The following CRACDL variants were observed in gnomAD, a reference collection of about 807,000 sequenced individuals.
The protein encoded by CRACDL is CRACD like.
CRACDL carries 26 observed loss-of-function variants against 70.6 expected under a neutral mutation model. The observed-to-expected ratio is 0.37, with a 90% confidence interval of 0.27 to 0.51. The LOEUF (loss-of-function observed/expected upper bound fraction) is 0.51, where lower values mean the gene tolerates loss of function less well. Ranked by LOEUF, CRACDL falls within the 20% of genes least tolerant of loss-of-function variation. CRACDL has a pLI of 0.94. For synonymous variants in CRACDL, 618 were observed against 615.2 expected (o/e 1.00, Z -0.07); for missense variants, 1,283 against 1,376.9 (o/e 0.93, Z 1.08).
At chr2:98,797,668 C>G in intron 7 of CRACDL, 131 bp from the exon 8 acceptor site, 1 of 741,678 alleles carries the variant, frequency 1.3e-6, no homozygotes, top group Non-Finnish European at 2.2e-6. Flanking sequence ...GGATTACTTT[C>G]TTTAGGGGCT....
intron 1 of CRACDL, among the ~76,000 whole-genome samples, chr2:98,935,023 T>C (rs1178806935): frequency 1.3e-5 from 2 of 152,208 alleles, no homozygotes; most frequent in Admixed American, 6.5e-5. Context: ...ATGACCACAG[T>C]GCTCCATCAT....
intron 1 of CRACDL, chr2:98,897,404 A>AT (rs1016912504): frequency 7.7e-7 from 1 of 1,303,894 alleles, no homozygotes; most frequent in Non-Finnish European, 1.0e-6. Flanking sequence ...CGCCAAAGAA[A>AT]TCATCTCAGT....
At chr2:98,868,807 T>A (rs1334772340) in intron 1 of CRACDL, among the ~76,000 whole-genome samples, 4 of 151,894 alleles carry the variant, frequency 2.6e-5, no homozygotes, top group Non-Finnish European at 5.9e-5. Context: ...CTCCTCCCCT[T>A]TCCCTCTCCC....
intron 9 of CRACDL, 92 bp downstream of exon 9, chr2:98,796,028 T>C (rs1575312217): frequency 7.8e-7 from 1 of 1,276,538 alleles, no homozygotes; most frequent in South Asian, 1.2e-5. Flanking sequence ...TGCAAGTAAT[T>C]TGCAAAAACC....
chr2:98,917,288 T>C (rs1708689442), intron 1 of CRACDL, among the ~76,000 whole-genome samples: 1 of 152,232 alleles, frequency 6.6e-6, no homozygotes, highest in African/African-American at 2.4e-5. Flanking sequence ...TGAACATCCT[T>C]GCATAGGAAT....
At chr2:98,847,483 T>C (rs1372623985) in intron 1 of CRACDL, among the ~76,000 whole-genome samples, 1 of 152,214 alleles carries the variant, frequency 6.6e-6, no homozygotes, top group Non-Finnish European at 1.5e-5. Context: ...TCTTGCTTCA[T>C]CTTTACCCCC....
intron 1 of CRACDL, among the ~76,000 whole-genome samples, chr2:98,881,583 C>T (rs1438950976): frequency 2.0e-5 from 3 of 152,172 alleles, no homozygotes; most frequent in African/African-American, 4.8e-5. Flanking sequence ...TAGAGAACCA[C>T]GGTTCTAGAG....
intron 7 of CRACDL, among the ~76,000 whole-genome samples, chr2:98,800,162 CT>C (rs1203430548): frequency 2.0e-5 from 3 of 152,192 alleles, no homozygotes; most frequent in African/African-American, 7.2e-5. Context: ...CAAATTGTTC[CT>C]TCAAAAAGCT....
In CRACDL at chr2:98,822,281, T is replaced by G. The variant is rs1705083485; in HGVS notation, c.1992A>C (p.Arg664Ser). Residue 664 changes from arginine (R) to serine (S), a missense_variant, in exon 7 of 10, where the codon AGA becomes AGC. Around this residue, in one of 2 missense-constraint regions of CRACDL, gnomAD observed 921 missense variants for 881.9 expected, o/e 1.04. Transcript: ENST00000397899. The surrounding 1 kb of genome is among the most constrained non-coding windows in gnomAD (Gnocchi z 4.9). ...PQEAAAAPGT[R>S]EPCPAAQEPA... is the part of the protein sequence containing the mutation. ...GCTCCTGGGCGGCTGGGCAGGGCTC[T>G]CTCGTGCCGGGCGCGGCGGCCGCCT... 6.4e-7 allele frequency: 1 copy of G among 1,569,026 alleles called. No individual in the cohort carries two copies.
chr2:98,810,687 T>C (rs1363731315), intron 7 of CRACDL, among the ~76,000 whole-genome samples: 2 of 152,184 alleles, frequency 1.3e-5, no homozygotes. Context: ...GGAAGAAGTG[T>C]AAACCAGCAC....
chr2:98,873,429 C>T (rs1026846882), intron 1 of CRACDL, among the ~76,000 whole-genome samples: 19 of 152,214 alleles, frequency 1.2e-4, no homozygotes, highest in African/African-American at 4.3e-4. Flanking sequence ...TTCTGGGCTC[C>T]ACTACCTCTA....
intron 1 of CRACDL, among the ~76,000 whole-genome samples, chr2:98,901,577 G>A (rs1022577497): frequency 6.6e-6 from 1 of 152,156 alleles, no homozygotes; most frequent in African/African-American, 2.4e-5. Flanking sequence ...GATGTGTGAC[G>A]GGATCTCACA....
Position 98,911,270 on chromosome 2 carries a change from T to C in CRACDL, c.-11+24668A>G, listed in dbSNP as rs530359546. On this transcript the variant is annotated intron_variant, in intron 1 of 9. Coordinates refer to ENST00000397899, the MANE Select transcript of CRACDL (RefSeq NM_207362.3). ...AGACTGCTGGGTGCACACTGGGCCT[T>C]GCAAAGAACAGAGGCTACATCAGTG... 1.1e-4 allele frequency among the ~76,000 whole-genome samples: 16 copies of C among 152,306 alleles called. No individual in the cohort carries two copies. The East Asian group carries it at 2.5e-3, about 24-fold the overall frequency.
At chr2:98,910,412 T>C (rs1189700572) in intron 1 of CRACDL, among the ~76,000 whole-genome samples, 2 of 151,766 alleles carry the variant, frequency 1.3e-5, no homozygotes, top group African/African-American at 2.4e-5. Context: ...TCCCAGCTAC[T>C]TGGGAGGCTG....
chr2:98,917,567 T>C (rs1185326549), intron 1 of CRACDL, among the ~76,000 whole-genome samples: 1 of 152,260 alleles, frequency 6.6e-6, no homozygotes, highest in Admixed American at 6.5e-5. Flanking sequence ...CTTACTTTAA[T>C]AGGCACCTAC....
intron 1 of CRACDL, among the ~76,000 whole-genome samples, chr2:98,915,974 C>A (rs1289532105): frequency 2.6e-5 from 4 of 152,168 alleles, no homozygotes; most frequent in African/African-American, 9.7e-5. Context: ...CGGGCCATTG[C>A]CCTCAGGGTC....
At position 98,936,222 on chromosome 2, in the gene CRACDL, G is replaced by C. The variant is rs1709203768; in HGVS notation, c.-295C>G. 1 of 150,032 alleles carries C rather than the reference G, an allele frequency of 6.7e-6. No homozygotes were observed. Among genetic ancestry groups the C allele is most frequent in the East Asian group, 1.9e-4 (1 of 5,158 alleles). The allele number at this position is 150,032 out of a possible 1,614,324, so 9.3% of individuals were successfully genotyped here. A position where few individuals can be genotyped will look rare whatever the true frequency, so the allele number is the denominator to read the frequency against. On this transcript the variant is annotated 5_prime_UTR_variant, in exon 1 of 10. Transcript: ENST00000397899. ...AGGCGCGCCGGCTTCGCTCGGCTCC[G>C]CTCGGCTCGGCGGGGGCGGACGCCG...
At chr2:98,853,018 GA>G (rs1706545398) in intron 1 of CRACDL, among the ~76,000 whole-genome samples, 1 of 109,274 alleles carries the variant, frequency 9.2e-6, no homozygotes, top group African/African-American at 3.5e-5. Context: ...GAGGGGAGGG[GA>G]AGGGAAGGGA....
Position 98,846,790 on chromosome 2 carries a change from G to A in CRACDL, c.11C>T (p.Thr4Ile). MIS[T>I]RVMDIKLREA... ...CCGAAGCTTAATGTCCATCACCCTT[G>A]TGGAAATCATGTCAAGCTCGCTGAA... is the stretch of plus-strand genomic sequence containing the variant. Residue 4 changes from threonine (T) to isoleucine (I), a missense_variant, in exon 2 of 10, where the codon ACA (threonine) becomes ATA (isoleucine). Around this residue, in one of 2 missense-constraint regions of CRACDL, gnomAD observed 362 missense variants for 495.0 expected, o/e 0.73. Coordinates refer to ENST00000397899, the MANE Select transcript of CRACDL (RefSeq NM_207362.3). The A allele has an allele frequency of 6.2e-7, 1 of 1,614,090 alleles. No individual in the cohort carries two copies. Among genetic ancestry groups the A allele is most frequent in the Non-Finnish European group, 8.5e-7 (1 of 1,179,932 alleles).
Sources: gnomAD v4.1 joint callset for allele counts (sites outside exome capture counted in the v4.1 genomes callset) on GRCh38, gnomAD v4.1.1 for gene constraint, gnomAD v4.1.1 regional missense constraint, Gnocchi (gnomAD v3.1) non-coding constraint, MANE v1.5 for transcripts, NCBI Gene and HGNC (gene_info 2026-07-23, HGNC 2026-07-21) for gene names.